Variants in EBF2 observed in about 807,000 individuals in gnomAD.
The protein encoded by EBF2 is EBF transcription factor 2, also known as transcription factor COE2.
Under a neutral mutation model 72.8 loss-of-function variants are expected in EBF2, and 21 were observed. That is an observed-to-expected ratio of 0.29 (90% CI 0.20 to 0.42). EBF2 has a LOEUF of 0.42. EBF2 is among the 10% of genes least tolerant of loss of function. EBF2 has a pLI of 1.00. For missense variants in EBF2, 637 were observed against 731.2 expected (o/e 0.87, Z 1.49); for synonymous variants, 299 against 274.2 (o/e 1.09, Z -0.89).
intron 6 of EBF2, among the ~76,000 whole-genome samples, chr8:25,919,450 T>A (rs1262098939): frequency 6.6e-6 from 1 of 152,208 alleles, no homozygotes; most frequent in Admixed American, 6.5e-5. Flanking sequence ...AAAGTCACTA[T>A]ACTATCAGTG....
intron 6 of EBF2, among the ~76,000 whole-genome samples, chr8:26,006,998 G>A (rs1367040819): frequency 6.6e-6 from 1 of 152,190 alleles, no homozygotes; most frequent in East Asian, 1.9e-4. Flanking sequence ...AAGTTATTCG[G>A]TTACTGAAGG....
At chr8:25,985,953 G>C (rs372249937) in intron 6 of EBF2, among the ~76,000 whole-genome samples, 2 of 119,380 alleles carry the variant, frequency 1.7e-5, no homozygotes, top group East Asian at 5.4e-4. Context: ...AGTAAGTTGT[G>C]ATCACACCAC....
chr8:25,860,926 T>A (rs1802201436), intron 13 of EBF2, 123 bp downstream of exon 13: 1 of 1,016,358 alleles, frequency 9.8e-7, no homozygotes. Context: ...CAATCTATGA[T>A]TGTATTGCCT....
chr8:25,945,956 C>T (rs997255106), intron 6 of EBF2, among the ~76,000 whole-genome samples: 1 of 152,122 alleles, frequency 6.6e-6, no homozygotes, highest in African/African-American at 2.4e-5. Context: ...GGAGTTGGAA[C>T]TGGAAGGACT....
intron 6 of EBF2, among the ~76,000 whole-genome samples, chr8:25,935,592 G>A (rs1217992737): frequency 6.6e-6 from 1 of 152,162 alleles, no homozygotes; most frequent in Non-Finnish European, 1.5e-5. Flanking sequence ...TGCCTTTCTT[G>A]TTTCTCAATG....
chr8:25,854,497 T>C (rs1802044086), intron 14 of EBF2, among the ~76,000 whole-genome samples: 1 of 152,336 alleles, frequency 6.6e-6, no homozygotes, highest in Admixed American at 6.5e-5. Flanking sequence ...GAGCAGACAC[T>C]GCAATTTTCA....
intron 6 of EBF2, among the ~76,000 whole-genome samples, chr8:26,027,763 C>T (rs1585233241): frequency 2.0e-5 from 3 of 152,132 alleles, no homozygotes; most frequent in African/African-American, 7.2e-5. Context: ...ATCCATACAA[C>T]GGAATATCAT....
chr8:25,897,621 G>A (rs1447556020), intron 7 of EBF2, among the ~76,000 whole-genome samples: 2 of 152,102 alleles, frequency 1.3e-5, no homozygotes. Context: ...GCAGTATTTG[G>A]TTTTCTGTTC....
In EBF2 at chr8:26,044,736, C is replaced by T; in HGVS notation, c.124G>A (p.Ala42Thr). Residue 42 changes from alanine to threonine, a missense_variant, in exon 1 of 16, where the codon GCG (alanine) becomes ACG (threonine). Physicochemically the swap from Ala to Thr is moderately conservative, Grantham distance 58. This residue lies in a region of EBF2 where 174 missense variants were observed against 161.9 expected (regional missense o/e 1.07). Coordinates refer to ENST00000520164, the MANE Select transcript of EBF2 (RefSeq NM_022659.4). The surrounding 1 kb of genome is among the most constrained non-coding windows in gnomAD (Gnocchi z 4.1). Reference protein sequence around the residue: ...NVGVVDANVAAQSGVALSRAH... With the variant: ...NVGVVDANVATQSGVALSRAH... ...GCGCGGCCGTGTCGTTACCTCTGCG[C>T]GGCGACATTAGCGTCCACCACTCCG... The T allele has an allele frequency of 6.2e-7, 1 of 1,614,012 alleles. No individual in the cohort carries two copies.
intron 7 of EBF2, among the ~76,000 whole-genome samples, chr8:25,898,519 G>A (rs1171622101): frequency 1.3e-5 from 2 of 150,978 alleles, no homozygotes; most frequent in Non-Finnish European, 2.9e-5. Flanking sequence ...TTGCAATACT[G>A]AATGTCTCTT....
intron 6 of EBF2, among the ~76,000 whole-genome samples, chr8:25,942,053 A>G (rs1471248521): frequency 6.6e-6 from 1 of 152,186 alleles, no homozygotes; most frequent in East Asian, 1.9e-4. Flanking sequence ...CTCCCTGTCC[A>G]GTGAGCATGA....
intron 6 of EBF2, among the ~76,000 whole-genome samples, chr8:25,977,821 G>A (rs1473171285): frequency 2.0e-5 from 3 of 152,102 alleles, no homozygotes; most frequent in Non-Finnish European, 4.4e-5. Flanking sequence ...GGTGAGTTGG[G>A]GACTGCAGAC....
intron 6 of EBF2, among the ~76,000 whole-genome samples, chr8:26,011,932 T>C (rs551946551): frequency 3.8e-4 from 58 of 152,062 alleles, no homozygotes; most frequent in African/African-American, 1.4e-3. Flanking sequence ...TCCTCCTGAG[T>C]GGGTTAACCT....
In EBF2 at chr8:25,961,601, TC is replaced by T. The variant is rs943471749; in HGVS notation, c.552-53047del. ...TGGTCTTGAACTCTTGACCTTATGA[TC>T]CACCCACCTCGGCCTCCCAAAGTGC... is the stretch of plus-strand genomic sequence containing the variant. On this transcript the variant is annotated intron_variant, in intron 6 of 15. Transcript: ENST00000520164. Among the ~76,000 whole-genome samples the T allele has an allele frequency of 6.6e-5, 10 of 152,216 alleles. No homozygotes were observed. The East Asian group carries it at 1.5e-3, about 24-fold the overall frequency.
chr8:26,031,454 CAG>C (rs1805404671), intron 6 of EBF2: 1 of 106,938 alleles, frequency 9.4e-6, no homozygotes. Flanking sequence ...TTTTTTGAGA[CAG>C]AGTCTCACTG....
chr8:26,032,916 G>T, intron 6 of EBF2, 169 bp downstream of exon 6: 1 of 613,020 alleles, frequency 1.6e-6, no homozygotes. Flanking sequence ...GGAAGATTCT[G>T]GCTTCTTCCA....
chr8:25,867,113 G>A, intron 10 of EBF2, among the ~76,000 whole-genome samples: 1 of 152,094 alleles, frequency 6.6e-6, no homozygotes, highest in East Asian at 1.9e-4. Context: ...TAAGAACAGT[G>A]CCTGGCACTT....
intron 6 of EBF2, among the ~76,000 whole-genome samples, chr8:25,948,543 C>T (rs951197671): frequency 2.6e-5 from 4 of 152,148 alleles, no homozygotes; most frequent in African/African-American, 7.2e-5. Flanking sequence ...CCAAGTGATG[C>T]GACATTTATA....
intron 6 of EBF2, among the ~76,000 whole-genome samples, chr8:25,978,920 G>C (rs1167451716): frequency 2.0e-5 from 3 of 152,124 alleles, no homozygotes; most frequent in Non-Finnish European, 4.4e-5. Context: ...GGGGCGGAGT[G>C]GTGCGGGTTG....
Sources: allele counts gnomAD v4.1 joint callset (sites outside exome capture counted in the v4.1 genomes callset), GRCh38; gene constraint gnomAD v4.1.1; regional missense constraint gnomAD v4.1.1; non-coding constraint Gnocchi (gnomAD v3.1); transcripts MANE v1.5; gene names NCBI Gene and HGNC (gene_info 2026-07-23, HGNC 2026-07-21).